The following LSM12 variants were observed in gnomAD, a reference collection of about 807,000 sequenced individuals.
LSM12 encodes the protein protein LSM12.
For synonymous variants in LSM12, 74 were observed against 87.3 expected, an observed-to-expected ratio of 0.85 and a Z score of 0.85; for missense variants, 108 against 238.9, an observed-to-expected ratio of 0.45 and a Z score of 3.61.
At chr17:44,037,633 G>T in intron 3 of LSM12, 95 bp from the exon 4 acceptor site, 1 of 1,417,974 alleles carries the variant, frequency 7.1e-7, no homozygotes, top group Non-Finnish European at 9.3e-7. Context: ...CTGATCCCAA[G>T]TTCCCAGCTC....
intron 4 of LSM12, 196 bp downstream of exon 4, chr17:44,037,216 C>G (rs997131622): frequency 1.9e-5 from 10 of 523,830 alleles, no homozygotes; most frequent in African/African-American, 2.0e-5. Context: ...CCACTCACTT[C>G]TTTCCACACC....
At chr17:44,039,745 C>T (rs2049464321) in intron 3 of LSM12, among the ~76,000 whole-genome samples, 1 of 152,152 alleles carries the variant, frequency 6.6e-6, no homozygotes, top group African/African-American at 2.4e-5. Flanking sequence ...TCATCCCAAT[C>T]TACAATGGGA....
At chr17:44,051,342 G>C (rs2049640526) in intron 2 of LSM12, among the ~76,000 whole-genome samples, 1 of 144,464 alleles carries the variant, frequency 6.9e-6, no homozygotes, top group African/African-American at 2.6e-5. Context: ...AGTGAACCAA[G>C]ATCGTGCCAC....
rs951278535 is a variant in LSM12, at chr17:44,034,597, C to T, written c.*1611G>A. On this transcript the variant is annotated 3_prime_UTR_variant, in exon 5 of 5. Transcript: ENST00000293406. ...ACAGACATACCTTGGATCCTCTCCC[C>T]TGGGGCCTCTGAAGGACGCACAAAC... is the stretch of plus-strand genomic sequence containing the variant. 2.6e-5 allele frequency: 4 copies of T among 152,530 alleles called. No individual in the cohort carries two copies. Among genetic ancestry groups the T allele is most frequent in the Non-Finnish European group, 5.9e-5 (4 of 68,028 alleles). The allele number at this position is 152,530 out of a possible 1,614,324, so 9.4% of individuals were successfully genotyped here.
intron 2 of LSM12, among the ~76,000 whole-genome samples, chr17:44,044,016 A>G (rs527446147): frequency 1.3e-5 from 2 of 152,290 alleles, no homozygotes; most frequent in Admixed American, 6.5e-5. Flanking sequence ...AGCTGCTTCT[A>G]TAAAGCTTGT....
intron 3 of LSM12, among the ~76,000 whole-genome samples, chr17:44,038,507 T>C (rs1486355525): frequency 6.6e-6 from 1 of 151,876 alleles, no homozygotes; most frequent in Non-Finnish European, 1.5e-5. Flanking sequence ...ATACAAAAAT[T>C]AGCTGGGCGT....
At chr17:44,064,409 A>G (rs2049841265) in intron 1 of LSM12, among the ~76,000 whole-genome samples, 1 of 152,192 alleles carries the variant, frequency 6.6e-6, no homozygotes, top group Admixed American at 6.5e-5. Flanking sequence ...CCAACCATTT[A>G]AGAGCCTACT....
At chr17:44,049,739 A>C (rs1262936419) in intron 2 of LSM12, among the ~76,000 whole-genome samples, 1 of 152,244 alleles carries the variant, frequency 6.6e-6, no homozygotes, top group Admixed American at 6.5e-5. Flanking sequence ...CCAGACCAGG[A>C]AGGCACAGGT....
At chr17:44,055,816 A>T (rs1008182738) in intron 2 of LSM12, among the ~76,000 whole-genome samples, 14 of 150,430 alleles carry the variant, frequency 9.3e-5, no homozygotes, top group African/African-American at 3.4e-4. Context: ...AACATAGGCC[A>T]CAATGCAATA....
intron 3 of LSM12, among the ~76,000 whole-genome samples, chr17:44,039,397 C>T (rs1348666453): frequency 7.5e-5 from 6 of 79,912 alleles, no homozygotes; most frequent in African/African-American, 1.0e-4. Flanking sequence ...TTTTTTGAGA[C>T]GGAGTCTCGC....
At chr17:44,044,110 T>C (rs1280096741) in intron 2 of LSM12, among the ~76,000 whole-genome samples, 1 of 152,124 alleles carries the variant, frequency 6.6e-6, no homozygotes. Flanking sequence ...TCACCCCATT[T>C]AGTAAGAGAC....
At chr17:44,066,897 T>C (rs1212420142), upstream of LSM12, among the ~76,000 whole-genome samples, 1 of 152,250 alleles carries the variant, frequency 6.6e-6, no homozygotes, top group African/African-American at 2.4e-5. Context: ...GTCTCCATTA[T>C]ATGCACACCT....
intron 1 of LSM12, 56 bp from the exon 2 acceptor site, chr17:44,063,990 T>A: frequency 1.3e-6 from 2 of 1,583,162 alleles, no homozygotes; most frequent in East Asian, 4.5e-5. Flanking sequence ...CACTGACACA[T>A]CCCAAAAGGG....
chr17:44,037,563 A>G, intron 3 of LSM12, 25 bp from the exon 4 acceptor site: 1 of 1,594,338 alleles, frequency 6.3e-7, no homozygotes, highest in Non-Finnish European at 8.5e-7. Flanking sequence ...CAGCAGGCGA[A>G]ATGTAACCTC....
chr17:44,043,548 C>CTTTTTTTTT (rs34478151), intron 2 of LSM12, among the ~76,000 whole-genome samples: 1 of 134,228 alleles, frequency 7.5e-6, no homozygotes, highest in Admixed American at 7.8e-5. Context: ...GAGGAGTTTC[C>CTTTTTTTTT]TTTTTTTTTT....
At chr17:44,041,074 C>T (rs1262100703) in intron 2 of LSM12, among the ~76,000 whole-genome samples, 2 of 150,886 alleles carry the variant, frequency 1.3e-5, no homozygotes, top group Non-Finnish European at 3.0e-5. Context: ...AGTTCGAGAC[C>T]AGCCTGGCCA....
intron 2 of LSM12, among the ~76,000 whole-genome samples, chr17:44,047,750 T>C (rs1597888422): frequency 1.3e-5 from 2 of 151,156 alleles, no homozygotes. Context: ...CTGTTTTTTT[T>C]TTTTTAATTT....
Position 44,063,783 on chromosome 17 carries a change from C to A in LSM12, c.258+18G>T, listed in dbSNP as rs1449324374. The A allele has an allele frequency of 6.2e-7, 1 of 1,606,010 alleles. No homozygotes were observed. Among genetic ancestry groups the A allele is most frequent in the East Asian group, 2.2e-5 (1 of 44,816 alleles). On this transcript the variant is annotated intron_variant, in intron 2 of 4. Coordinates refer to ENST00000293406, the MANE Select transcript of LSM12 (RefSeq NM_001371445.1). ...TTCCCACCATTTTAGAGAGCCAGAT[C>A]TGCCCTTGAGTCCTTACCTTACTAA...
chr17:44,061,956 T>A (rs2049800546), intron 2 of LSM12, among the ~76,000 whole-genome samples: 1 of 152,168 alleles, frequency 6.6e-6, no homozygotes, highest in Non-Finnish European at 1.5e-5. Context: ...GAGCGGTGGC[T>A]CACGCCTGTA....
Sources: allele counts gnomAD v4.1 joint callset (sites outside exome capture counted in the v4.1 genomes callset), GRCh38; gene constraint gnomAD v4.1.1; transcripts MANE v1.5; gene names NCBI Gene and HGNC (gene_info 2026-07-23, HGNC 2026-07-21).